Variants in TMEM30A observed in about 807,000 individuals in gnomAD.
TMEM30A encodes the protein cell cycle control protein 50A.
Under a neutral mutation model 38.2 loss-of-function variants are expected in TMEM30A, and 24 were observed. The ratio of observed to expected loss-of-function variants is 0.63; its 90% CI spans 0.46 to 0.88. The LOEUF (loss-of-function observed/expected upper bound fraction) is 0.88. TMEM30A is among the 40% of genes least tolerant of loss of function. TMEM30A has a pLI of 0.00. For missense variants in TMEM30A, 370 were observed against 458.6 expected (o/e 0.81, Z 1.77); for synonymous variants, 145 against 161.6 (o/e 0.90, Z 0.78).
At chr6:75,264,840 G>A (rs907737560) in intron 3 of TMEM30A, among the ~76,000 whole-genome samples, 2 of 152,068 alleles carry the variant, frequency 1.3e-5, no homozygotes, top group African/African-American at 4.8e-5. Context: ...GGTGGCTCAT[G>A]CCTGTAATCC....
In TMEM30A at chr6:75,256,047, T is replaced by G. The variant is rs921219975; in HGVS notation, c.*55A>C. 1 of 1,264,622 alleles carries G rather than the reference T, an allele frequency of 7.9e-7. No homozygotes were observed. The highest frequency in any genetic ancestry group is 1.5e-5 in the African/African-American group (1 of 65,866). 78.3% of individuals were successfully genotyped at this position (1,264,622 alleles called of 1,614,324 possible). On this transcript the variant is annotated 3_prime_UTR_variant, in exon 7 of 7. Coordinates refer to ENST00000230461, the MANE Select transcript of TMEM30A (RefSeq NM_018247.4). Reference sequence around the variant, plus strand: ...CAGATATCAGCATTCGAAAGCTAGGTTGAATAGGACTGGCCTTGATGCACA... The same window carrying G: ...CAGATATCAGCATTCGAAAGCTAGGGTGAATAGGACTGGCCTTGATGCACA...
chr6:75,269,727 C>G (rs969268904), intron 1 of TMEM30A, among the ~76,000 whole-genome samples: 8 of 152,024 alleles, frequency 5.3e-5, no homozygotes, highest in Admixed American at 1.3e-4. Flanking sequence ...GACGGAGTCT[C>G]ACTCTATCAC....
At chr6:75,264,099 C>T (rs1480098768) in intron 3 of TMEM30A, among the ~76,000 whole-genome samples, 1 of 152,178 alleles carries the variant, frequency 6.6e-6, no homozygotes, top group African/African-American at 2.4e-5. Context: ...TAGGCCTAAC[C>T]AGAACCCTGT....
At chr6:75,268,200 AC>A (rs1203345021) in intron 1 of TMEM30A, among the ~76,000 whole-genome samples, 1 of 152,118 alleles carries the variant, frequency 6.6e-6, no homozygotes, top group Admixed American at 6.5e-5. Flanking sequence ...TTTTTTCAAC[AC>A]CTGGTGCTGA....
At chr6:75,266,296 C>G (rs1772065446) in intron 2 of TMEM30A, among the ~76,000 whole-genome samples, 1 of 152,070 alleles carries the variant, frequency 6.6e-6, no homozygotes, top group Admixed American at 6.5e-5. Flanking sequence ...TTTCAAATGT[C>G]AAACCATGCA....
At chr6:75,260,522 T>C (rs1490084327) in intron 4 of TMEM30A, among the ~76,000 whole-genome samples, 2 of 152,204 alleles carry the variant, frequency 1.3e-5, no homozygotes, top group Non-Finnish European at 2.9e-5. Context: ...TGATCAACTA[T>C]AGCTCCTTTT....
intron 1 of TMEM30A, among the ~76,000 whole-genome samples, chr6:75,275,941 A>C (rs1772252569): frequency 6.6e-6 from 1 of 152,186 alleles, no homozygotes; most frequent in South Asian, 2.1e-4. Context: ...AGAAAGACCA[A>C]GGCATGAATA....
rs1021068874 is a variant in TMEM30A at position 75,277,553 on chromosome 6, A to G, written c.237+6849T>C. Reference sequence around the variant, plus strand: ...CAGGAGTTTGAGGCTACAGTGAGCTATGAACATTGCCACTGCACTCTAGCC... The same window carrying G: ...CAGGAGTTTGAGGCTACAGTGAGCTGTGAACATTGCCACTGCACTCTAGCC... On this transcript the variant is annotated intron_variant, in intron 1 of 6. Transcript: ENST00000230461. Among the ~76,000 whole-genome samples the G allele has an allele frequency of 7.9e-5, 12 of 152,322 alleles. No individual in the cohort carries two copies. In the East Asian group the frequency reaches 1.9e-3, roughly 24 times the overall value.
chr6:75,257,318 T>G (rs1771882928), intron 6 of TMEM30A, among the ~76,000 whole-genome samples: 1 of 152,188 alleles, frequency 6.6e-6, no homozygotes, highest in Non-Finnish European at 1.5e-5. Flanking sequence ...TAATTAACCC[T>G]TGATGTTTTG....
chr6:75,264,390 C>A (rs1772027103), intron 3 of TMEM30A, among the ~76,000 whole-genome samples: 1 of 152,162 alleles, frequency 6.6e-6, no homozygotes, highest in Admixed American at 6.5e-5. Context: ...AATCCCAGCA[C>A]TTTGGAAGGC....
chr6:75,256,210 C>G lies in TMEM30A; in HGVS notation c.978G>C (p.Gly326=). ...SWMGGKNPFL[G]IAYIAVGSIS... ...TGGATCCAACAGCGATGTAAGCAAT[C>G]CCCAAAAATGGATTTTTTCCTCCCA... Residue 326 remains glycine (G), a synonymous_variant, in exon 7 of 7, where the codon GGG becomes GGC. Transcript: ENST00000230461. The G allele has an allele frequency of 6.2e-7, 1 of 1,613,590 alleles. No homozygotes were observed. The highest frequency in any genetic ancestry group is 8.5e-7 in the Non-Finnish European group (1 of 1,179,616).
chr6:75,258,731 G>T, intron 6 of TMEM30A, 49 bp downstream of exon 6: 5 of 1,551,310 alleles, frequency 3.2e-6, no homozygotes, highest in South Asian at 1.1e-5. Flanking sequence ...GGTTGGACTC[G>T]ACTCCTTTCA....
In TMEM30A at chr6:75,255,186, C is replaced by A. The variant is rs1279741504; in HGVS notation, c.*916G>T. 1.3e-5 allele frequency: 2 copies of A among 152,492 alleles called. No homozygotes were observed. Among genetic ancestry groups the A allele is most frequent in the Non-Finnish European group, 2.9e-5 (2 of 67,976 alleles). 9.4% of individuals were successfully genotyped at this position (152,492 alleles called of 1,614,324 possible). On this transcript the variant is annotated 3_prime_UTR_variant, in exon 7 of 7. Coordinates refer to ENST00000230461, the MANE Select transcript of TMEM30A (RefSeq NM_018247.4). ...CACTTACCTGCAGAATAAAAACAGC[C>A]TGAGTATTTCCAAAGCTGAAGTAAT...
Position 75,284,530 on chromosome 6 carries a change from G to A in TMEM30A, c.109C>T (p.Arg37Trp), listed in dbSNP as rs200753841. ...RPDNTAFKQQ[R>W]LPAWQPILTA... ...AGGATGGGCTGCCAAGCTGGCAGCCGTTGCTGTTTGAAGGCCGTGTTATCC... is the reference window on the plus strand; with the variant it reads ...AGGATGGGCTGCCAAGCTGGCAGCCATTGCTGTTTGAAGGCCGTGTTATCC... The change falls in exon 1 of 7, where the codon CGG becomes TGG. Residue 37 changes from arginine (R) to tryptophan (W), a missense_variant. Coordinates refer to ENST00000230461, the MANE Select transcript of TMEM30A (RefSeq NM_018247.4). 1 of 1,611,872 alleles carries A rather than the reference G, an allele frequency of 6.2e-7. No individual in the cohort carries two copies. Among genetic ancestry groups the A allele is most frequent in the East Asian group, 2.2e-5 (1 of 44,848 alleles).
At position 75,256,029 on chromosome 6, in the gene TMEM30A, C is replaced by T; in HGVS notation, c.*73G>A. 9.5e-7 allele frequency: 1 copy of T among 1,054,928 alleles called. No individual in the cohort carries two copies. Among genetic ancestry groups the T allele is most frequent in the Admixed American group, 2.6e-5 (1 of 38,206 alleles). 65.3% of individuals were successfully genotyped at this position (1,054,928 alleles called of 1,614,324 possible). On this transcript the variant is annotated 3_prime_UTR_variant, in exon 7 of 7. Coordinates refer to ENST00000230461, the MANE Select transcript of TMEM30A (RefSeq NM_018247.4). ...TCAAAATGACATACTAACCAGATAT[C>T]AGCATTCGAAAGCTAGGTTGAATAG...
chr6:75,283,994 A>G (rs1772409991), intron 1 of TMEM30A, among the ~76,000 whole-genome samples: 1 of 151,944 alleles, frequency 6.6e-6, no homozygotes, highest in South Asian at 2.1e-4. Flanking sequence ...GACCCTGTCA[A>G]TTCACTCAGG....
At chr6:75,261,296 C>T (rs1288411175) in intron 3 of TMEM30A, among the ~76,000 whole-genome samples, 1 of 152,122 alleles carries the variant, frequency 6.6e-6, no homozygotes, top group African/African-American at 2.4e-5. Flanking sequence ...ACTAAAGAGG[C>T]TAGAGGTTCT....
intron 1 of TMEM30A, among the ~76,000 whole-genome samples, chr6:75,272,101 G>A (rs897186294): frequency 1.3e-5 from 2 of 152,124 alleles, no homozygotes; most frequent in Non-Finnish European, 2.9e-5. Context: ...AGGTAAACTG[G>A]ACCCAAAACT....
At chr6:75,281,134 T>G (rs1488550489) in intron 1 of TMEM30A, among the ~76,000 whole-genome samples, 10 of 152,136 alleles carry the variant, frequency 6.6e-5, no homozygotes, top group Admixed American at 6.5e-4. Flanking sequence ...TTGAAGTAAA[T>G]GTTTAGTTTT....
Sources: gnomAD v4.1 joint callset for allele counts (sites outside exome capture counted in the v4.1 genomes callset) on GRCh38, gnomAD v4.1.1 for gene constraint, MANE v1.5 for transcripts, NCBI Gene and HGNC (gene_info 2026-07-23, HGNC 2026-07-21) for gene names.